The following SKIL variants were observed in gnomAD, a reference collection of about 807,000 sequenced individuals.
SKIL encodes ski-like protein.
SKIL carries 20 observed loss-of-function variants against 69.6 expected under a neutral mutation model. The ratio of observed to expected loss-of-function variants is 0.29; its 90% confidence interval spans 0.20 to 0.42. The LOEUF is 0.42. SKIL is among the 10% of genes least tolerant of loss of function. The probability of loss-of-function intolerance (pLI) is 1.00; values close to 1 mark genes in which losing one functional copy is unlikely to be tolerated. For synonymous variants in SKIL, 310 were observed against 279.9 expected (o/e 1.11, Z -1.08); for missense variants, 745 against 783.1 (o/e 0.95, Z 0.58).
chr3:170,360,272 A>G lies in SKIL; in HGVS notation c.-60A>G. 1 of 1,458,688 alleles carries G rather than the reference A, an allele frequency of 6.9e-7. No individual in the cohort carries two copies. The highest frequency in any genetic ancestry group is 2.5e-5 in the Admixed American group (1 of 40,592). The allele number at this position is 1,458,688 out of a possible 1,614,324, so 90.4% of individuals were successfully genotyped here. On this transcript the variant is annotated 5_prime_UTR_variant, in exon 2 of 7. Coordinates refer to ENST00000259119, the MANE Select transcript of SKIL (RefSeq NM_005414.5). ...TCCATTCATTACTTTCCTCTTTTCA[A>G]ATAAGCAACTAAATAGAAATGCTAA... is the stretch of plus-strand genomic sequence containing the variant.
chr3:170,395,355 TG>T lies in SKIL; in HGVS notation c.*2939del, dbSNP rs1302740385. On this transcript the variant is annotated 3_prime_UTR_variant, in exon 7 of 7. Coordinates refer to ENST00000259119, the MANE Select transcript of SKIL (RefSeq NM_005414.5). The stretch of plus-strand genomic sequence containing the variant: ...GCATATTCTTTTGCTTGAATTTCTG[TG>T]TTCATGAGAGTTAGGGTGTTTTATG... 2.0e-5 allele frequency: 3 copies of T among 152,150 alleles called. No homozygotes were observed. The highest frequency in any genetic ancestry group is 7.2e-5 in the African/African-American group (3 of 41,464). The allele number at this position is 152,150 out of a possible 1,614,324, so 9.4% of individuals were successfully genotyped here. A position where few individuals can be genotyped will look rare whatever the true frequency, so the allele number is the denominator to read the frequency against.
Position 170,367,430 on chromosome 3 carries a change from C to G in SKIL, c.1098+6001C>G, listed in dbSNP as rs143364922. ...CCTATTGTAGCATGTGGCTGACAGT[C>G]TCCACTTTACTAAGTTAAGAACTAT... On this transcript the variant is annotated intron_variant, in intron 2 of 6. Transcript: ENST00000259119. Among the ~76,000 whole-genome samples the G allele has an allele frequency of 5.0e-4, 74 of 148,490 alleles. No individual in the cohort carries two copies. The East Asian group carries it at 0.015, about 29-fold the overall frequency.
intron 2 of SKIL, among the ~76,000 whole-genome samples, chr3:170,363,006 T>A (rs1426330114): frequency 6.6e-6 from 1 of 151,888 alleles, no homozygotes; most frequent in African/African-American, 2.4e-5. Context: ...TGACTAAAAT[T>A]AATGTGTAAT....
At position 170,378,553 on chromosome 3, in the gene SKIL, C is replaced by CTTTT. The variant is rs373084445; in HGVS notation, c.1099-2679_1099-2676dup. ...TGGGAATTGGACTCTCTCTCTCTCT[C>CTTTT]TTTTTTTTTTTTTTTGGAGACAAAG... On this transcript the variant is annotated intron_variant, in intron 2 of 6. Transcript: ENST00000259119. 1.9e-3 allele frequency among the ~76,000 whole-genome samples: 222 copies of CTTTT among 119,006 alleles called. 7 individuals are homozygous for CTTTT. The highest frequency in any genetic ancestry group is 6.5e-3 in the African/African-American group (213 of 32,924). 78.1% of individuals were successfully genotyped at this position (119,006 alleles called of 152,430 possible). A position where few individuals can be genotyped will look rare whatever the true frequency, so the allele number is the denominator to read the frequency against.
At chr3:170,387,671 C>G (rs1737705721) in intron 4 of SKIL, among the ~76,000 whole-genome samples, 1 of 149,046 alleles carries the variant, frequency 6.7e-6, no homozygotes, top group Non-Finnish European at 1.5e-5. Context: ...CGCCTGTAAT[C>G]CCAGCACTTT....
At chr3:170,359,416 T>C (rs897859481) in intron 1 of SKIL, among the ~76,000 whole-genome samples, 1 of 152,060 alleles carries the variant, frequency 6.6e-6, no homozygotes, top group Non-Finnish European at 1.5e-5. Flanking sequence ...ACTAATATGG[T>C]GAAACCCCGT....
At chr3:170,371,202 TTAA>T (rs1290354503) in intron 2 of SKIL, among the ~76,000 whole-genome samples, 2 of 152,122 alleles carry the variant, frequency 1.3e-5, no homozygotes, top group Non-Finnish European at 2.9e-5. Context: ...TGCATAAGTA[TTAA>T]TAAAGGAGTA....
At chr3:170,385,732 G>A (rs748556564) in intron 4 of SKIL, among the ~76,000 whole-genome samples, 9 of 151,978 alleles carry the variant, frequency 5.9e-5, no homozygotes, top group Non-Finnish European at 1.2e-4. Context: ...CAGTTGGAGG[G>A]TCCTCTATTT....
rs923289937 is a variant in SKIL, at chr3:170,370,357, T to G, written c.1098+8928T>G. ...TGAGTCCTTTTGATTTCATGACTTC[T>G]AGACTTAAGAGTGGATCATAGAAAT... On this transcript the variant is annotated intron_variant, in intron 2 of 6. Coordinates refer to ENST00000259119, the MANE Select transcript of SKIL (RefSeq NM_005414.5). 3.4e-5 allele frequency among the ~76,000 whole-genome samples: 5 copies of G among 148,834 alleles called. No individual in the cohort carries two copies. In the Admixed American group the frequency reaches 3.5e-4, roughly 10 times the overall value.
Position 170,361,129 on chromosome 3 carries a change from T to C in SKIL, c.798T>C (p.His266=), listed in dbSNP as rs768980520. ...KETGSAFEVE[H]ECLGKCQGLF... ...CTGGCAGTGCCTTTGAAGTGGAGCA[T>C]GAATGCCTAGGCAAATGTCAGGGTT... Residue 266 remains histidine (H), a synonymous_variant, in exon 2 of 7, where the codon CAT becomes CAC. Coordinates refer to ENST00000259119, the MANE Select transcript of SKIL (RefSeq NM_005414.5). The C allele has an allele frequency of 2.4e-5, 38 of 1,614,106 alleles. No individual in the cohort carries two copies. Among genetic ancestry groups the C allele is most frequent in the Non-Finnish European group, 3.1e-5 (37 of 1,180,036 alleles).
At chr3:170,378,708 T>C (rs116659453) in intron 2 of SKIL, among the ~76,000 whole-genome samples, 4,171 of 151,846 alleles carry the variant, frequency 0.027, 67 homozygotes, top group Middle Eastern at 0.054. Flanking sequence ...CTCACCACCA[T>C]GTCCAGCTAA....
At chr3:170,377,542 CTTTTTTTTT>C (rs749615295) in intron 2 of SKIL, among the ~76,000 whole-genome samples, 1 of 77,332 alleles carries the variant, frequency 1.3e-5, no homozygotes, top group Admixed American at 1.9e-4. Context: ...CTCAATAATT[CTTTTTTTTT>C]TTTTTTTTTT....
rs181275762 is a variant in SKIL, at chr3:170,369,616, G to A, written c.1098+8187G>A. Reference sequence around the variant, plus strand: ...GTGGTTTCACCATATTGGTCAGGCTGATCTCGAACTCCGTACCTCAGGTGA... The same window carrying A: ...GTGGTTTCACCATATTGGTCAGGCTAATCTCGAACTCCGTACCTCAGGTGA... On this transcript the variant is annotated intron_variant, in intron 2 of 6. Transcript: ENST00000259119. 1.1e-4 allele frequency among the ~76,000 whole-genome samples: 16 copies of A among 152,168 alleles called. No homozygotes were observed. In the East Asian group the frequency reaches 1.8e-3, roughly 17 times the overall value.
chr3:170,379,377 C>T (rs1269912387), intron 2 of SKIL, among the ~76,000 whole-genome samples: 5 of 152,086 alleles, frequency 3.3e-5, no homozygotes, highest in Admixed American at 3.3e-4. Context: ...CCTCAGTTTC[C>T]TGGGTTTGTC....
At chr3:170,369,470 C>T (rs1300134499) in intron 2 of SKIL, among the ~76,000 whole-genome samples, 5 of 152,152 alleles carry the variant, frequency 3.3e-5, no homozygotes, top group East Asian at 1.9e-4. Flanking sequence ...AAGGCAATCT[C>T]GGCTCACTGC....
rs757827153 is a variant in SKIL at position 170,361,413 on chromosome 3, A to C, written c.1082A>C (p.Lys361Thr). The change falls in exon 2 of 7, where the codon AAG becomes ACG. Residue 361 changes from lysine to threonine, a missense_variant. By Grantham distance (78) the Lys-to-Thr change is moderately conservative (BLOSUM62 -1). Transcript: ENST00000259119. The part of the protein sequence containing the change: ...MKEKFSMRSG[K>T]RNQSKTDAPS... Reference sequence around the variant, plus strand: ...GAGAAGTTTAGCATGAGAAGTGGAAAGAGAAATCAATCCAAGGCAAGTTTT... The same window carrying C: ...GAGAAGTTTAGCATGAGAAGTGGAACGAGAAATCAATCCAAGGCAAGTTTT... The C allele has an allele frequency of 1.4e-5, 22 of 1,575,366 alleles. 1 individual carries two copies. The highest frequency in any genetic ancestry group is 1.9e-5 in the Non-Finnish European group (22 of 1,166,100).
intron 4 of SKIL, among the ~76,000 whole-genome samples, chr3:170,388,982 G>T (rs979383737): frequency 6.6e-5 from 10 of 151,944 alleles, no homozygotes; most frequent in African/African-American, 2.4e-4. Context: ...CAATTTTTCT[G>T]TCTCAGCCTC....
intron 3 of SKIL, among the ~76,000 whole-genome samples, chr3:170,384,203 G>C (rs1262246024): frequency 6.6e-6 from 1 of 151,980 alleles, no homozygotes; most frequent in African/African-American, 2.4e-5. Flanking sequence ...AAATGGGTAT[G>C]TGTGGTCCCA....
At chr3:170,362,543 G>A (rs1736297060) in intron 2 of SKIL, among the ~76,000 whole-genome samples, 1 of 33,510 alleles carries the variant, frequency 3.0e-5, no homozygotes, top group Non-Finnish European at 6.2e-5. Flanking sequence ...ACAGGTGGGA[G>A]CAATGAATGG....
Sources: allele counts gnomAD v4.1 joint callset (sites outside exome capture counted in the v4.1 genomes callset), GRCh38; gene constraint gnomAD v4.1.1; transcripts MANE v1.5; gene names NCBI Gene and HGNC (gene_info 2026-07-23, HGNC 2026-07-21).